Variants in CDH12 observed in about 807,000 individuals in gnomAD.
CDH12 encodes cadherin 12.
CDH12 carries 41 observed loss-of-function variants against 74.1 expected under a neutral mutation model. The observed-to-expected ratio is 0.55, with a 90% CI of 0.43 to 0.72. The LOEUF is 0.72. Among genes scored for constraint, CDH12 ranks in the 30% least tolerant of loss-of-function variants. The pLI is 0.00. For synonymous variants in CDH12, 399 were observed against 355.0 expected, an observed-to-expected ratio of 1.12 and a Z score of -1.39; for missense variants, 945 against 977.2, an observed-to-expected ratio of 0.97 and a Z score of 0.44.
At chr5:21,965,237 A>G (rs1183219993) in intron 6 of CDH12, among the ~76,000 whole-genome samples, 1 of 152,022 alleles carries the variant, frequency 6.6e-6, no homozygotes, top group Admixed American at 6.6e-5. Flanking sequence ...CGTGATGCCA[A>G]TGTTTTCATT....
At chr5:21,989,317 A>G (rs547843739) in intron 5 of CDH12, among the ~76,000 whole-genome samples, 6 of 152,290 alleles carry the variant, frequency 3.9e-5, no homozygotes, top group African/African-American at 1.4e-4. Flanking sequence ...TCTTCCCACA[A>G]AGCAGTTTAT....
intron 4 of CDH12, among the ~76,000 whole-genome samples, chr5:22,211,589 A>G (rs1029503783): frequency 2.6e-5 from 4 of 151,960 alleles, no homozygotes; most frequent in Admixed American, 6.6e-5. Context: ...ACTTTGGAAA[A>G]AAGTTGCTTA....
At chr5:22,188,521 A>G (rs987712912) in intron 4 of CDH12, among the ~76,000 whole-genome samples, 13 of 152,110 alleles carry the variant, frequency 8.5e-5, no homozygotes, top group Non-Finnish European at 1.9e-4. Flanking sequence ...ATCATCCTAC[A>G]TTTTTCGTTC....
chr5:22,467,702 G>T (rs1745792596), intron 2 of CDH12, among the ~76,000 whole-genome samples: 2 of 152,134 alleles, frequency 1.3e-5, no homozygotes, highest in Non-Finnish European at 2.9e-5. Context: ...CTAAGTGCAT[G>T]TAATATCTAA....
At chr5:22,851,982 T>C (rs867286918) in intron 1 of CDH12, among the ~76,000 whole-genome samples, 2 of 152,162 alleles carry the variant, frequency 1.3e-5, no homozygotes, top group African/African-American at 4.8e-5. Flanking sequence ...AGCAAACTAA[T>C]ACCTGCTTGG....
At chr5:21,821,215 T>C (rs1027930264) in intron 8 of CDH12, among the ~76,000 whole-genome samples, 2 of 151,706 alleles carry the variant, frequency 1.3e-5, no homozygotes, top group Non-Finnish European at 2.9e-5. Flanking sequence ...GTAGGGGACA[T>C]GCATTGCTAC....
intron 2 of CDH12, among the ~76,000 whole-genome samples, chr5:22,475,897 A>G (rs1305270546): frequency 6.6e-6 from 1 of 152,048 alleles, no homozygotes; most frequent in Non-Finnish European, 1.5e-5. Context: ...ATCACTCACA[A>G]AATTTTCTAG....
At chr5:22,027,191 T>A (rs903593707) in intron 5 of CDH12, among the ~76,000 whole-genome samples, 1 of 152,154 alleles carries the variant, frequency 6.6e-6, no homozygotes, top group Non-Finnish European at 1.5e-5. Flanking sequence ...ATAAGCTTTT[T>A]GATGTGCTGC....
chr5:21,924,974 A>G (rs1754523395), intron 6 of CDH12, among the ~76,000 whole-genome samples: 1 of 152,210 alleles, frequency 6.6e-6, no homozygotes, highest in African/African-American at 2.4e-5. Flanking sequence ...AGAATGCAAC[A>G]TATTTAATTT....
intron 5 of CDH12, among the ~76,000 whole-genome samples, chr5:22,070,764 T>G (rs1311770501): frequency 1.3e-5 from 2 of 152,180 alleles, no homozygotes; most frequent in Non-Finnish European, 2.9e-5. Context: ...TTGATGAGAA[T>G]AGAATTGAAT....
At chr5:22,486,040 C>T (rs1240075270) in intron 2 of CDH12, among the ~76,000 whole-genome samples, 1 of 152,208 alleles carries the variant, frequency 6.6e-6, no homozygotes, top group Non-Finnish European at 1.5e-5. Flanking sequence ...TGGAAAGCCT[C>T]ACCCACTGTC....
chr5:22,484,940 C>T (rs2662491), intron 2 of CDH12, among the ~76,000 whole-genome samples: 141,862 of 152,174 alleles, frequency 0.93, 66,226 homozygotes, highest in Admixed American at 0.97. Flanking sequence ...CATAGTCATT[C>T]TTCAAGGGTC....
chr5:21,890,173 C>G (rs1269352322), intron 6 of CDH12, among the ~76,000 whole-genome samples: 2 of 152,018 alleles, frequency 1.3e-5, no homozygotes, highest in African/African-American at 2.4e-5. Flanking sequence ...TTTCTTTTGT[C>G]AGGATCTTAA....
At chr5:21,882,949 C>T (rs1579902440) in intron 6 of CDH12, 1 of 1,598,396 alleles carries the variant, frequency 6.3e-7, no homozygotes. Context: ...ACTGTACTGG[C>T]AGGCTCTATA....
chr5:22,794,257 T>C (rs560892817), intron 1 of CDH12, among the ~76,000 whole-genome samples: 151 of 152,288 alleles, frequency 9.9e-4, no homozygotes, highest in Admixed American at 1.5e-3. Context: ...TCAGAATCAA[T>C]TGGACAAACA....
intron 2 of CDH12, among the ~76,000 whole-genome samples, chr5:22,498,292 T>G (rs529200467): frequency 7.2e-5 from 11 of 151,950 alleles, no homozygotes; most frequent in African/African-American, 1.7e-4. Context: ...TTAAATATTA[T>G]ATAATTTAAT....
chr5:22,440,369 G>A (rs191487518), intron 2 of CDH12, among the ~76,000 whole-genome samples: 1,551 of 152,154 alleles, frequency 0.01, 11 homozygotes, highest in Non-Finnish European at 0.011. Flanking sequence ...CAAGAAGCTA[G>A]AACAAATATT....
intron 1 of CDH12, among the ~76,000 whole-genome samples, chr5:22,743,045 C>T (rs1315737172): frequency 6.6e-6 from 1 of 151,386 alleles, no homozygotes; most frequent in Non-Finnish European, 1.5e-5. Flanking sequence ...AGAGACATTT[C>T]CTCCTGCTCA....
At chr5:22,315,304 C>CT (rs1738585442) in intron 3 of CDH12, among the ~76,000 whole-genome samples, 1 of 151,426 alleles carries the variant, frequency 6.6e-6, no homozygotes, top group African/African-American at 2.4e-5. Context: ...ATCATTTATC[C>CT]TTTTTTCACA....
Sources: allele counts gnomAD v4.1 joint callset (sites outside exome capture counted in the v4.1 genomes callset), GRCh38; gene constraint gnomAD v4.1.1; transcripts MANE v1.5; gene names NCBI Gene and HGNC (gene_info 2026-07-23, HGNC 2026-07-21).